The following PCDHA8 variants were observed in gnomAD, a reference collection of about 807,000 sequenced individuals.
PCDHA8 encodes protocadherin alpha-8.
Under a neutral mutation model 61.8 loss-of-function variants are expected in PCDHA8, and 53 were observed. That is an observed-to-expected ratio of 0.86 (90% CI 0.69 to 1.08). The LOEUF is 1.08. Among genes scored for constraint, PCDHA8 ranks in the 50% least tolerant of loss-of-function variants. PCDHA8 has a pLI of 0.00. For missense variants in PCDHA8, 1,293 were observed against 1,245.0 expected (o/e 1.04, Z -0.58); for synonymous variants, 618 against 556.6 (o/e 1.11, Z -1.55).
At chr5:140,877,153 A>C in intron 1 of PCDHA8, 1 of 1,613,798 alleles carries the variant, frequency 6.2e-7, no homozygotes, top group Non-Finnish European at 8.5e-7. Flanking sequence ...CGAGAACGAC[A>C]ACGCGCCGGC....
intron 1 of PCDHA8, chr5:140,869,089 C>G: frequency 6.3e-7 from 1 of 1,588,998 alleles, no homozygotes; most frequent in Non-Finnish European, 8.6e-7. Context: ...ATTTTGGAAG[C>G]CAATTTCGTA....
intron 1 of PCDHA8, chr5:140,863,675 G>T (rs782582155): frequency 1.1e-4 from 31 of 292,406 alleles, no homozygotes; most frequent in South Asian, 4.0e-4. Context: ...TTTTGCTTTT[G>T]CTTTTTCTTT....
intron 1 of PCDHA8, among the ~76,000 whole-genome samples, chr5:140,896,062 C>T (rs781234487): frequency 1.1e-4 from 17 of 152,104 alleles, no homozygotes; most frequent in South Asian, 4.2e-4. Flanking sequence ...CCGCCTGCCT[C>T]GGCCTCCCAA....
chr5:140,858,149 G>C, intron 1 of PCDHA8: 1 of 1,597,572 alleles, frequency 6.3e-7, no homozygotes, highest in Non-Finnish European at 8.6e-7. Context: ...CCTGATCATC[G>C]CCATCTGCGC....
Position 140,897,056 on chromosome 5 carries a change from T to C in PCDHA8, c.2394+53341T>C, listed in dbSNP as rs147544543. Among the ~76,000 whole-genome samples the C allele has an allele frequency of 2.6e-3, 395 of 152,288 alleles. 2 individuals carry two copies. The highest frequency in any genetic ancestry group is 9.2e-3 in the African/African-American group (384 of 41,556). ...ATAGTCACCCTATTCTGCTGTCAAA[T>C]ACTATGTCTTATTCATTTTTTCTAT... On this transcript the variant is annotated intron_variant, in intron 1 of 3. Coordinates refer to ENST00000531613, the MANE Select transcript of PCDHA8 (RefSeq NM_018911.3).
chr5:140,875,449 A>T, intron 1 of PCDHA8: 2 of 1,590,426 alleles, frequency 1.3e-6, no homozygotes, highest in Non-Finnish European at 8.6e-7. Flanking sequence ...GATTGTCCCA[A>T]CTCAGAGGCC....
intron 1 of PCDHA8, among the ~76,000 whole-genome samples, chr5:140,908,736 A>G (rs2074127705): frequency 6.6e-6 from 1 of 152,180 alleles, no homozygotes; most frequent in African/African-American, 2.4e-5. Flanking sequence ...GGCTCGAGAA[A>G]CAGAGCAACT....
At chr5:140,852,885 A>T in intron 1 of PCDHA8, 5 of 778,116 alleles carry the variant, frequency 6.4e-6, no homozygotes, top group Non-Finnish European at 7.9e-6. Context: ...CATAAAACGT[A>T]TTTTTTTTTT....
intron 1 of PCDHA8, among the ~76,000 whole-genome samples, chr5:140,939,281 G>A (rs1554212652): frequency 6.6e-6 from 1 of 152,014 alleles, no homozygotes; most frequent in African/African-American, 2.4e-5. Context: ...CTGTGCCCTC[G>A]TGATCTAATC....
At chr5:140,936,604 G>A (rs1186463181) in intron 1 of PCDHA8, among the ~76,000 whole-genome samples, 4 of 152,116 alleles carry the variant, frequency 2.6e-5, no homozygotes, top group South Asian at 2.1e-4. Context: ...TACTTTCCTC[G>A]CTGCTACTGT....
intron 1 of PCDHA8, among the ~76,000 whole-genome samples, chr5:140,923,970 C>T (rs2081601306): frequency 2.6e-5 from 4 of 152,220 alleles, no homozygotes; most frequent in Admixed American, 2.6e-4. Flanking sequence ...TATACCCACA[C>T]ATACTATCCC....
chr5:141,006,426 G>A (rs2153987618), intron 3 of PCDHA8, among the ~76,000 whole-genome samples: 1 of 152,170 alleles, frequency 6.6e-6, no homozygotes, highest in Admixed American at 6.5e-5. Context: ...TGTTAGCCAG[G>A]ATGGTCTCAA....
chr5:140,864,410 A>T (rs1310180872), intron 1 of PCDHA8: 3 of 152,244 alleles, frequency 2.0e-5, no homozygotes, highest in Admixed American at 6.5e-5. Flanking sequence ...AGCAGGGTTG[A>T]GGCAGCTTCG....
At chr5:140,846,369 CTTTCTTTT>C (rs1383135260) in intron 1 of PCDHA8, among the ~76,000 whole-genome samples, 4 of 102,192 alleles carry the variant, frequency 3.9e-5, no homozygotes, top group Admixed American at 2.1e-4. Context: ...TCTTTTCTTT[CTTTCTTTT>C]TTTTTTTTTT....
intron 1 of PCDHA8, chr5:140,868,490 A>G (rs1383994336): frequency 6.6e-6 from 1 of 152,330 alleles, no homozygotes; most frequent in African/African-American, 2.4e-5. Flanking sequence ...TTTTTCTTTG[A>G]GTTCCCTAGC....
At chr5:140,893,264 A>T (rs1554185566) in intron 1 of PCDHA8, among the ~76,000 whole-genome samples, 1 of 152,290 alleles carries the variant, frequency 6.6e-6, no homozygotes, top group African/African-American at 2.4e-5. Context: ...ATAAATGCCC[A>T]ATAGTGGAAT....
Position 140,841,679 on chromosome 5 carries a change from G to C in PCDHA8, c.358G>C (p.Asp120His). 1 of 1,613,984 alleles carries C rather than the reference G, an allele frequency of 6.2e-7. No homozygotes were observed. Reference protein sequence around the residue: ...VDRPLQVFHVDVEVKDVNDNP... With the variant: ...VDRPLQVFHVHVEVKDVNDNP... ...CAGGCCGCTGCAGGTTTTCCATGTG[G>C]ACGTGGAGGTGAAGGATGTTAATGA... The change falls in exon 1 of 4, where the codon GAC (aspartate) becomes CAC (histidine). Residue 120 changes from aspartate (D) to histidine (H), a missense_variant. Coordinates refer to ENST00000531613, the MANE Select transcript of PCDHA8 (RefSeq NM_018911.3).
intron 1 of PCDHA8, among the ~76,000 whole-genome samples, chr5:140,962,725 T>C (rs536695569): frequency 3.2e-4 from 48 of 152,210 alleles, no homozygotes; most frequent in Non-Finnish European, 5.9e-4. Flanking sequence ...AGTATTTTCC[T>C]TCTGGGGATG....
chr5:140,947,760 A>C (rs1332466215), intron 1 of PCDHA8, among the ~76,000 whole-genome samples: 1 of 151,618 alleles, frequency 6.6e-6, no homozygotes, highest in Non-Finnish European at 1.5e-5. Context: ...TTATGGTTTA[A>C]AAAATTCTAT....
Sources: allele counts gnomAD v4.1 joint callset (sites outside exome capture counted in the v4.1 genomes callset), GRCh38; gene constraint gnomAD v4.1.1; transcripts MANE v1.5; gene names NCBI Gene and HGNC (gene_info 2026-07-23, HGNC 2026-07-21).